TMEM132D: variants seen among roughly 807,000 people sequenced by gnomAD.
TMEM132D encodes the protein transmembrane protein 132D.
A neutral mutation model predicts 62.3 loss-of-function variants in TMEM132D; 21 were observed. The observed-to-expected ratio is 0.34, with a 90% CI of 0.24 to 0.49. TMEM132D has a LOEUF of 0.49. Ranked by LOEUF, TMEM132D falls within the 20% of genes least tolerant of loss-of-function variation. The pLI is 0.99. For missense variants in TMEM132D, 1,346 were observed against 1,402.8 expected, an observed-to-expected ratio of 0.96 and a Z score of 0.65; for synonymous variants, 621 against 575.6, an observed-to-expected ratio of 1.08 and a Z score of -1.13.
intron 2 of TMEM132D, among the ~76,000 whole-genome samples, chr12:129,562,528 A>G (rs114424849): frequency 3.5e-3 from 528 of 152,346 alleles, no homozygotes; most frequent in African/African-American, 0.012. Context: ...GGGTATAAAT[A>G]TCTGTACTCT....
intron 4 of TMEM132D, among the ~76,000 whole-genome samples, chr12:129,251,974 C>T (rs1301421602): frequency 6.6e-6 from 1 of 152,134 alleles, no homozygotes; most frequent in Non-Finnish European, 1.5e-5. Flanking sequence ...AACTGGAACA[C>T]CCACCCTATA....
chr12:129,613,208 C>T (rs933680803), intron 2 of TMEM132D, among the ~76,000 whole-genome samples: 1 of 152,116 alleles, frequency 6.6e-6, no homozygotes, highest in Non-Finnish European at 1.5e-5. Context: ...AAGTCACTGC[C>T]TTGGTTTAGG....
chr12:129,257,805 G>A (rs1390553600), intron 4 of TMEM132D, among the ~76,000 whole-genome samples: 2 of 152,196 alleles, frequency 1.3e-5, no homozygotes, highest in Non-Finnish European at 2.9e-5. Context: ...ATACCACGTG[G>A]GGAGATGCTG....
intron 4 of TMEM132D, among the ~76,000 whole-genome samples, chr12:129,255,371 C>G (rs1256552302): frequency 1.3e-5 from 2 of 152,146 alleles, no homozygotes; most frequent in Non-Finnish European, 2.9e-5. Flanking sequence ...TTGATTATTT[C>G]CTTTTACTGA....
At chr12:129,756,429 C>T (rs112714086) in intron 1 of TMEM132D, among the ~76,000 whole-genome samples, 1 of 152,074 alleles carries the variant, frequency 6.6e-6, no homozygotes, top group Non-Finnish European at 1.5e-5. Context: ...AAGCCAGTCA[C>T]GAAGGACAAA....
At chr12:129,491,838 A>G (rs1461500749) in intron 3 of TMEM132D, among the ~76,000 whole-genome samples, 1 of 152,156 alleles carries the variant, frequency 6.6e-6, no homozygotes, top group Non-Finnish European at 1.5e-5. Context: ...GCTACTTGGG[A>G]GACTGCGGCA....
intron 5 of TMEM132D, among the ~76,000 whole-genome samples, chr12:129,109,400 A>G (rs1264937348): frequency 6.6e-6 from 1 of 152,196 alleles, no homozygotes; most frequent in Non-Finnish European, 1.5e-5. Context: ...GGTGGTCTGA[A>G]GAGTAAATGA....
rs77925812 is a variant in TMEM132D at position 129,264,294 on chromosome 12, C to T, written c.1300-54631G>A. Among the ~76,000 whole-genome samples, 1,432 of 152,204 alleles carry T rather than the reference C, an allele frequency of 9.4e-3. 40 individuals are homozygous for T. Among genetic ancestry groups the T allele is most frequent in the East Asian group, 0.062 (320 of 5,174 alleles). Reference sequence around the variant, plus strand: ...GTCCCACCCACTTGGGAGGCTGATGCGGGAGGATTGCTTGAGCCTGGGAGG... The same window carrying T: ...GTCCCACCCACTTGGGAGGCTGATGTGGGAGGATTGCTTGAGCCTGGGAGG... On this transcript the variant is annotated intron_variant, in intron 4 of 8. Coordinates refer to ENST00000422113, the MANE Select transcript of TMEM132D (RefSeq NM_133448.3).
At chr12:129,732,269 C>T (rs1869275257) in intron 1 of TMEM132D, among the ~76,000 whole-genome samples, 1 of 152,144 alleles carries the variant, frequency 6.6e-6, no homozygotes, top group East Asian at 1.9e-4. Context: ...TACTAAAAAC[C>T]TTTGGGATTT....
chr12:129,771,034 T>C (rs1469694592), intron 1 of TMEM132D, among the ~76,000 whole-genome samples: 1 of 152,230 alleles, frequency 6.6e-6, no homozygotes, highest in Non-Finnish European at 1.5e-5. Context: ...TTGCCTTCCA[T>C]CTTGCTCCCC....
rs2135611387 is a variant in TMEM132D at position 129,078,658 on chromosome 12, G to T, written c.1991C>A (p.Thr664Asn). 6.2e-7 allele frequency: 1 copy of T among 1,614,198 alleles called. No individual in the cohort carries two copies. The highest frequency in any genetic ancestry group is 8.5e-7 in the Non-Finnish European group (1 of 1,180,036). Reference sequence around the variant, plus strand: ...CAGCTGCACCCCGAGGTCTGTGATGGTCACCTTCTCGTCCAGCACAGTGAT... The same window carrying T: ...CAGCTGCACCCCGAGGTCTGTGATGTTCACCTTCTCGTCCAGCACAGTGAT... ...KTITVLDEKVTITDLGVQLVT... is the reference protein window; with the variant it reads ...KTITVLDEKVNITDLGVQLVT... Residue 664 changes from threonine to asparagine, a missense_variant, in exon 8 of 9, where the codon ACC becomes AAC. By Grantham distance (65) the Thr-to-Asn change is moderately conservative (BLOSUM62 0). Coordinates refer to ENST00000422113, the MANE Select transcript of TMEM132D (RefSeq NM_133448.3).
chr12:129,293,498 C>T (rs957680363), intron 4 of TMEM132D, among the ~76,000 whole-genome samples: 1 of 152,110 alleles, frequency 6.6e-6, no homozygotes, highest in Non-Finnish European at 1.5e-5. Context: ...AAGTGCATTA[C>T]TTTTATTGTG....
At chr12:129,545,311 C>A (rs1340773981) in intron 2 of TMEM132D, among the ~76,000 whole-genome samples, 1 of 152,188 alleles carries the variant, frequency 6.6e-6, no homozygotes, top group South Asian at 2.1e-4. Flanking sequence ...GAAGCAAGAT[C>A]TATGCCTGTC....
At chr12:129,514,045 C>T (rs575960058) in intron 3 of TMEM132D, among the ~76,000 whole-genome samples, 170 of 150,776 alleles carry the variant, frequency 1.1e-3, no homozygotes, top group East Asian at 2.0e-3. Context: ...TTCACTGTGT[C>T]AGCCAGGATG....
chr12:129,828,701 GAGGGAGA>G (rs1566000096), intron 1 of TMEM132D, among the ~76,000 whole-genome samples: 3 of 34,422 alleles, frequency 8.7e-5, no homozygotes, highest in Non-Finnish European at 1.4e-4. Flanking sequence ...GGGAGGGAGG[GAGGGAGA>G]AGGAAGGGAG....
Position 129,903,807 on chromosome 12 carries a change from C to A in TMEM132D, c.-468G>T, listed in dbSNP as rs1875457919. The A allele has an allele frequency of 6.8e-6, 1 of 147,490 alleles. No individual in the cohort carries two copies. Among genetic ancestry groups the A allele is most frequent in the African/African-American group, 2.4e-5 (1 of 40,920 alleles). The allele number at this position is 147,490 out of a possible 1,614,324, so 9.1% of individuals were successfully genotyped here. On this transcript the variant is annotated 5_prime_UTR_variant, in exon 1 of 9. An upstream open reading frame in the 5' UTR gains an earlier in-frame stop. Transcript: ENST00000422113. The surrounding 1 kb of genome is among the most constrained non-coding windows in gnomAD (Gnocchi z 6.2). ...GCCCGGGACGCGGGCAGAGGCGGCT[C>A]GGAGCCCCCCGGGCGGGTGGCCGGG...
intron 5 of TMEM132D, among the ~76,000 whole-genome samples, chr12:129,086,703 C>CA (rs1874632968): frequency 6.8e-6 from 1 of 147,958 alleles, no homozygotes; most frequent in South Asian, 2.1e-4. Flanking sequence ...TATATACAAA[C>CA]TTATATATAC....
chr12:129,373,600 C>T (rs974301497), intron 3 of TMEM132D, among the ~76,000 whole-genome samples: 49 of 152,212 alleles, frequency 3.2e-4, no homozygotes, highest in African/African-American at 1.1e-3. Context: ...CCACTGCACT[C>T]CAGCCTGGGC....
chr12:129,483,268 A>T (rs1874482872), intron 3 of TMEM132D, among the ~76,000 whole-genome samples: 1 of 152,082 alleles, frequency 6.6e-6, no homozygotes, highest in Non-Finnish European at 1.5e-5. Context: ...TGTGGTTCTC[A>T]CCTTGGGCTT....
Sources: allele counts gnomAD v4.1 joint callset (sites outside exome capture counted in the v4.1 genomes callset), GRCh38; gene constraint gnomAD v4.1.1; non-coding constraint Gnocchi (gnomAD v3.1); transcripts MANE v1.5; gene names NCBI Gene and HGNC (gene_info 2026-07-23, HGNC 2026-07-21).